PXDNL: variants seen among roughly 807,000 people sequenced by gnomAD.
The protein encoded by PXDNL is peroxidasin like.
A neutral mutation model predicts 150.8 loss-of-function variants in PXDNL; 145 were observed. The observed-to-expected ratio is 0.96, with a 90% CI of 0.84 to 1.10. The LOEUF is 1.10. PXDNL is among the 50% of genes least tolerant of loss of function. The pLI is 0.00. For missense variants in PXDNL, 2,087 were observed against 1,873.9 expected, an observed-to-expected ratio of 1.11 and a Z score of -2.10; for synonymous variants, 757 against 725.7, an observed-to-expected ratio of 1.04 and a Z score of -0.69.
Position 51,475,014 on chromosome 8 carries a change from C to A in PXDNL, c.652G>T (p.Gly218Trp). Residue 218 changes from glycine (G) to tryptophan (W), a missense_variant, in exon 7 of 23, where the codon GGG (glycine) becomes TGG (tryptophan). By Grantham distance (184) the Gly-to-Trp change is radical (BLOSUM62 -2). Coordinates refer to ENST00000356297, the MANE Select transcript of PXDNL (RefSeq NM_144651.5). The stretch of plus-strand genomic sequence containing the variant: ...ACTGTTACTGAAGCAACTGCACGCC[C>A]ATGGAGTCTCCTGGGATATTCGCAG... ...ATCEYPRRLH[G>W]RAVASVTVEE... The A allele has an allele frequency of 6.2e-7, 1 of 1,610,504 alleles. No individual in the cohort carries two copies. Among genetic ancestry groups the A allele is most frequent in the Admixed American group, 1.7e-5 (1 of 59,446 alleles).
At chr8:51,415,520 G>A (rs1386370218) in intron 14 of PXDNL, among the ~76,000 whole-genome samples, 1 of 152,080 alleles carries the variant, frequency 6.6e-6, no homozygotes, top group Non-Finnish European at 1.5e-5. Context: ...AACAGCAAGA[G>A]GGAAACTCAC....
At chr8:51,715,814 G>A (rs567369822) in intron 1 of PXDNL, among the ~76,000 whole-genome samples, 3 of 151,972 alleles carry the variant, frequency 2.0e-5, no homozygotes, top group Non-Finnish European at 4.4e-5. Flanking sequence ...TTGGCTATTG[G>A]TTCTTCTGAT....
rs952661664 is a variant in PXDNL at position 51,408,666 on chromosome 8, G to A, written c.2958C>T (p.Ser986=). The A allele has an allele frequency of 1.9e-6, 3 of 1,602,506 alleles. No individual in the cohort carries two copies. The highest frequency in any genetic ancestry group is 2.3e-5 in the East Asian group (1 of 44,288). ...TTCCCTCCCAGTGGGGGTTCAGGGC[G>A]GACAGCTCCGTGGCCATCCTGTTGT... ...REHNRMATEL[S]ALNPHWEGNT... is the part of the protein sequence containing the mutation. Residue 986 remains serine, a synonymous_variant, in exon 17 of 23, where the codon TCC becomes TCT. Transcript: ENST00000356297.
At chr8:51,636,467 C>T (rs1814605076) in intron 2 of PXDNL, among the ~76,000 whole-genome samples, 1 of 152,106 alleles carries the variant, frequency 6.6e-6, no homozygotes, top group East Asian at 1.9e-4. Flanking sequence ...CAGAAAATAA[C>T]TACTATAGAT....
At chr8:51,780,371 A>C (rs746608146) in intron 1 of PXDNL, among the ~76,000 whole-genome samples, 1 of 152,170 alleles carries the variant, frequency 6.6e-6, no homozygotes. Context: ...TTCTCAAAGA[A>C]AATTCTCAGA....
chr8:51,736,078 T>C (rs1817032942), intron 1 of PXDNL, among the ~76,000 whole-genome samples: 1 of 152,206 alleles, frequency 6.6e-6, no homozygotes, highest in African/African-American at 2.4e-5. Flanking sequence ...GTTAGACATT[T>C]AGAAGATAAC....
intron 17 of PXDNL, among the ~76,000 whole-genome samples, chr8:51,381,783 G>A (rs1242964109): frequency 6.6e-6 from 1 of 151,376 alleles, no homozygotes; most frequent in African/African-American, 2.4e-5. Context: ...CTCCCGAGTA[G>A]CTGGGACTAT....
chr8:51,561,577 T>C (rs1360249548), intron 3 of PXDNL, among the ~76,000 whole-genome samples: 2 of 151,854 alleles, frequency 1.3e-5, no homozygotes, highest in Non-Finnish European at 2.9e-5. Flanking sequence ...TGCTACAAAA[T>C]GGATTAACAT....
chr8:51,721,349 T>C (rs2130916610), intron 1 of PXDNL, among the ~76,000 whole-genome samples: 1 of 152,328 alleles, frequency 6.6e-6, no homozygotes, highest in Admixed American at 6.5e-5. Flanking sequence ...ATGAATTGTG[T>C]ATAAACAAAA....
chr8:51,503,973 G>T (rs1230157129), intron 4 of PXDNL, among the ~76,000 whole-genome samples: 1 of 151,994 alleles, frequency 6.6e-6, no homozygotes, highest in African/African-American at 2.4e-5. Context: ...TCACCATACT[G>T]GCTGTCCTCC....
intron 1 of PXDNL, among the ~76,000 whole-genome samples, chr8:51,683,010 G>T (rs1738425386): frequency 6.6e-6 from 1 of 151,522 alleles, no homozygotes; most frequent in Non-Finnish European, 1.5e-5. Flanking sequence ...TAAATATTCA[G>T]AAGTGGAATT....
At chr8:51,718,276 G>T (rs570672774) in intron 1 of PXDNL, among the ~76,000 whole-genome samples, 8 of 152,248 alleles carry the variant, frequency 5.3e-5, no homozygotes, top group African/African-American at 9.6e-5. Context: ...CAGGGACTGA[G>T]GGGGAGGAGC....
intron 1 of PXDNL, among the ~76,000 whole-genome samples, chr8:51,728,678 T>A (rs1388508015): frequency 2.0e-5 from 3 of 152,198 alleles, no homozygotes; most frequent in African/African-American, 7.2e-5. Flanking sequence ...AATGTGTTTG[T>A]GTTTTAAGCT....
rs541210933 is a variant in PXDNL at position 51,461,201 on chromosome 8, G to C, written c.813-3534C>G. ...GCTGAAGGATATCAAGCTGAGATCT[G>C]TGACTAGAGATTGAGCAGAGGAGGA... On this transcript the variant is annotated intron_variant, in intron 8 of 22. Coordinates refer to ENST00000356297, the MANE Select transcript of PXDNL (RefSeq NM_144651.5). Among the ~76,000 whole-genome samples, 8 of 152,328 alleles carry C rather than the reference G, an allele frequency of 5.3e-5. No individual in the cohort carries two copies. The East Asian group carries it at 1.2e-3, about 22-fold the overall frequency.
intron 17 of PXDNL, among the ~76,000 whole-genome samples, chr8:51,402,852 G>A (rs552734304): frequency 3.2e-4 from 49 of 151,848 alleles, no homozygotes; most frequent in Middle Eastern, 3.4e-3. Flanking sequence ...CACGAGGTCA[G>A]GAGATCGAGA....
chr8:51,603,236 T>G lies in PXDNL; in HGVS notation c.237-10538A>C, dbSNP rs1177105331. Among the ~76,000 whole-genome samples, 3 of 151,940 alleles carry G rather than the reference T, an allele frequency of 2.0e-5. No homozygotes were observed. In the East Asian group the frequency reaches 5.8e-4, roughly 29 times the overall value. ...CCCTCTTTTTTATTATTTTAATGAT[T>G]AATTTTAAAGATTTTTTTCTGGGTA... On this transcript the variant is annotated intron_variant, in intron 2 of 22. Coordinates refer to ENST00000356297, the MANE Select transcript of PXDNL (RefSeq NM_144651.5).
intron 2 of PXDNL, among the ~76,000 whole-genome samples, chr8:51,616,146 C>T (rs1814125595): frequency 6.6e-6 from 1 of 152,212 alleles, no homozygotes; most frequent in Admixed American, 6.5e-5. Context: ...GGTTGTGCCT[C>T]TGAAGATGTC....
At chr8:51,336,375 GAAATTT>G (rs1390283829) in intron 21 of PXDNL, among the ~76,000 whole-genome samples, 1 of 152,298 alleles carries the variant, frequency 6.6e-6, no homozygotes, top group East Asian at 1.9e-4. Context: ...TGAACAATCA[GAAATTT>G]CCTTCTCCAG....
intron 1 of PXDNL, among the ~76,000 whole-genome samples, chr8:51,684,521 A>G (rs10092112): frequency 0.083 from 12,705 of 152,178 alleles, 1,005 homozygotes; most frequent in African/African-American, 0.21. Context: ...TCTTCCATTC[A>G]GTGTGGGCAG....
Sources: allele counts gnomAD v4.1 joint callset (sites outside exome capture counted in the v4.1 genomes callset), GRCh38; gene constraint gnomAD v4.1.1; transcripts MANE v1.5; gene names NCBI Gene and HGNC (gene_info 2026-07-23, HGNC 2026-07-21).